Variants in TRAPPC9 observed in about 807,000 individuals in gnomAD.
The protein encoded by TRAPPC9 is trafficking protein particle complex subunit 9.
TRAPPC9 carries 83 observed loss-of-function variants against 124.0 expected under a neutral mutation model. That is an observed-to-expected ratio of 0.67 (90% CI 0.56 to 0.80). TRAPPC9 has a LOEUF of 0.80. TRAPPC9 is among the 30% of genes least tolerant of loss of function. The probability of loss-of-function intolerance (pLI) is 0.00; values close to 1 mark genes in which losing one functional copy is unlikely to be tolerated. For missense variants in TRAPPC9, 1,302 were observed against 1,508.3 expected (o/e 0.86, Z 2.27); for synonymous variants, 638 against 617.5 (o/e 1.03, Z -0.49).
intron 21 of TRAPPC9, among the ~76,000 whole-genome samples, chr8:139,836,361 G>A (rs746721781): frequency 4.6e-5 from 7 of 152,220 alleles, no homozygotes; most frequent in Non-Finnish European, 5.9e-5. Context: ...ACCCCGGAGC[G>A]GGACCGATCC....
At chr8:140,337,247 T>A (rs1313518398) in intron 9 of TRAPPC9, among the ~76,000 whole-genome samples, 1 of 152,088 alleles carries the variant, frequency 6.6e-6, no homozygotes, top group Non-Finnish European at 1.5e-5. Flanking sequence ...TCAGAGGAGT[T>A]CACACACATG....
chr8:139,823,060 C>A (rs1444932357), intron 21 of TRAPPC9, among the ~76,000 whole-genome samples: 1 of 152,180 alleles, frequency 6.6e-6, no homozygotes. Context: ...TTGACTCAGG[C>A]CCCATCCTCA....
intron 19 of TRAPPC9, among the ~76,000 whole-genome samples, chr8:139,920,872 G>T (rs911006421): frequency 5.9e-5 from 9 of 152,226 alleles, no homozygotes; most frequent in African/African-American, 1.9e-4. Flanking sequence ...GTTCCTCTTA[G>T]GTTCTTCTGG....
chr8:140,218,785 C>G (rs35417025), intron 17 of TRAPPC9, among the ~76,000 whole-genome samples: 60,532 of 151,756 alleles, frequency 0.4, 14,627 homozygotes, highest in Non-Finnish European at 0.55. Flanking sequence ...CATGGTGAAA[C>G]CCCGTCTCTG....
At chr8:140,372,445 C>T (rs974403093) in intron 7 of TRAPPC9, among the ~76,000 whole-genome samples, 1 of 152,118 alleles carries the variant, frequency 6.6e-6, no homozygotes, top group Non-Finnish European at 1.5e-5. Flanking sequence ...GAAGAGGAAT[C>T]GGCATTGTCT....
At chr8:140,433,005 A>C (rs2070700650) in intron 4 of TRAPPC9, among the ~76,000 whole-genome samples, 1 of 152,030 alleles carries the variant, frequency 6.6e-6, no homozygotes, top group Non-Finnish European at 1.5e-5. Context: ...TTATTTATAT[A>C]TTAAAACAGC....
At chr8:140,269,265 G>C (rs999988423) in intron 15 of TRAPPC9, among the ~76,000 whole-genome samples, 3 of 152,168 alleles carry the variant, frequency 2.0e-5, no homozygotes, top group Non-Finnish European at 4.4e-5. Flanking sequence ...GATTTGGCCA[G>C]GTGCAGTGGC....
intron 16 of TRAPPC9, among the ~76,000 whole-genome samples, chr8:140,237,218 G>A (rs778797586): frequency 1.3e-5 from 2 of 150,938 alleles, no homozygotes; most frequent in Non-Finnish European, 2.9e-5. Context: ...AAATTGATGT[G>A]GAAGATCATC....
intron 17 of TRAPPC9, among the ~76,000 whole-genome samples, chr8:140,142,531 C>A (rs2130781435): frequency 6.6e-6 from 1 of 152,362 alleles, no homozygotes. Flanking sequence ...TTGGAGACAA[C>A]AGGCTGGACT....
At position 140,166,187 on chromosome 8, in the gene TRAPPC9, C is replaced by T. The variant is rs532228914; in HGVS notation, c.2556+55272G>A. Reference sequence around the variant, plus strand: ...CCCAAAATCAACCCCTGTGCAATAACGCATGCCCATCAGGTCCCATGGTTC... The same window carrying T: ...CCCAAAATCAACCCCTGTGCAATAATGCATGCCCATCAGGTCCCATGGTTC... On this transcript the variant is annotated intron_variant, in intron 17 of 22. Coordinates refer to ENST00000438773, the MANE Select transcript of TRAPPC9 (RefSeq NM_001160372.4). 3.3e-5 allele frequency among the ~76,000 whole-genome samples: 5 copies of T among 152,232 alleles called. No homozygotes were observed. The East Asian group carries it at 7.7e-4, about 23-fold the overall frequency.
intron 8 of TRAPPC9, among the ~76,000 whole-genome samples, chr8:140,364,111 T>C (rs1046145865): frequency 6.6e-6 from 1 of 150,996 alleles, no homozygotes; most frequent in African/African-American, 2.4e-5. Context: ...CAGGGAAGAG[T>C]GTCCCCGAAG....
At chr8:140,372,493 A>T (rs1202069188) in intron 7 of TRAPPC9, among the ~76,000 whole-genome samples, 1 of 151,496 alleles carries the variant, frequency 6.6e-6, no homozygotes, top group Non-Finnish European at 1.5e-5. Flanking sequence ...CTGTCCACAC[A>T]CCCCTGCCAG....
intron 17 of TRAPPC9, among the ~76,000 whole-genome samples, chr8:140,195,213 C>T (rs2062614743): frequency 6.6e-6 from 1 of 151,944 alleles, no homozygotes; most frequent in African/African-American, 2.4e-5. Context: ...CTAAAACACA[C>T]TCAATGATCC....
intron 21 of TRAPPC9, among the ~76,000 whole-genome samples, chr8:139,833,937 G>A (rs746251100): frequency 1.3e-5 from 2 of 152,192 alleles, no homozygotes; most frequent in Non-Finnish European, 2.9e-5. Context: ...TGGTGAGGAG[G>A]TGCCTTGGCG....
intron 21 of TRAPPC9, among the ~76,000 whole-genome samples, chr8:139,863,571 C>A (rs762142997): frequency 1.3e-5 from 2 of 152,214 alleles, no homozygotes; most frequent in Non-Finnish European, 2.9e-5. Flanking sequence ...CCTTTCTACT[C>A]GCAGATGGTG....
At chr8:140,059,216 A>G (rs998690589) in intron 17 of TRAPPC9, among the ~76,000 whole-genome samples, 7 of 152,182 alleles carry the variant, frequency 4.6e-5, no homozygotes, top group Admixed American at 2.6e-4. Flanking sequence ...TGGAATCATA[A>G]CAGTGTGTAC....
intron 9 of TRAPPC9, among the ~76,000 whole-genome samples, chr8:140,326,074 C>A (rs549274170): frequency 6.6e-6 from 1 of 152,044 alleles, no homozygotes; most frequent in South Asian, 2.1e-4. Flanking sequence ...AAATGGAAAT[C>A]CGGGTAGTTT....
chr8:140,378,488 G>A (rs1052797295), intron 7 of TRAPPC9, among the ~76,000 whole-genome samples: 12 of 151,990 alleles, frequency 7.9e-5, no homozygotes, highest in African/African-American at 1.7e-4. Context: ...TTTGAGACTC[G>A]GACTGGCTCT....
intron 17 of TRAPPC9, among the ~76,000 whole-genome samples, chr8:140,130,651 G>A (rs2061191016): frequency 6.6e-6 from 1 of 152,178 alleles, no homozygotes; most frequent in South Asian, 2.1e-4. Context: ...GCTGGCAAAT[G>A]TGAACAGGGT....
Sources: gnomAD v4.1 joint callset for allele counts (sites outside exome capture counted in the v4.1 genomes callset) on GRCh38, gnomAD v4.1.1 for gene constraint, MANE v1.5 for transcripts, NCBI Gene and HGNC (gene_info 2026-07-23, HGNC 2026-07-21) for gene names.